The following ARHGAP15 variants were observed in gnomAD, a reference collection of about 807,000 sequenced individuals.
ARHGAP15 encodes the protein Rho GTPase activating protein 15.
A neutral mutation model predicts 63.7 loss-of-function variants in ARHGAP15; 51 were observed. The ratio of observed to expected loss-of-function variants is 0.80; its 90% CI spans 0.64 to 1.01. The LOEUF is 1.01. Ranked by LOEUF, ARHGAP15 falls within the 50% of genes least tolerant of loss-of-function variation. ARHGAP15 has a pLI of 0.00. For missense variants in ARHGAP15, 560 were observed against 564.6 expected, an observed-to-expected ratio of 0.99 and a Z score of 0.08; for synonymous variants, 191 against 193.8, an observed-to-expected ratio of 0.99 and a Z score of 0.12.
intron 11 of ARHGAP15, among the ~76,000 whole-genome samples, chr2:143,573,973 G>T (rs1349191025): frequency 6.6e-6 from 1 of 152,132 alleles, no homozygotes; most frequent in African/African-American, 2.4e-5. Context: ...ATTATTTTTA[G>T]TCTGTGACTA....
intron 13 of ARHGAP15, among the ~76,000 whole-genome samples, chr2:143,762,214 A>T (rs1452322468): frequency 6.6e-6 from 1 of 152,146 alleles, no homozygotes; most frequent in Admixed American, 6.5e-5. Context: ...ATCAAGAGGA[A>T]TTCCCAAATA....
intron 4 of ARHGAP15, among the ~76,000 whole-genome samples, chr2:143,226,571 A>G (rs888466083): frequency 6.6e-6 from 1 of 152,176 alleles, no homozygotes; most frequent in Non-Finnish European, 1.5e-5. Flanking sequence ...AGAGAAGGCT[A>G]TTGCTGCTTC....
intron 6 of ARHGAP15, among the ~76,000 whole-genome samples, chr2:143,413,966 T>TGTGTGTGTGTGTGTGCGC: frequency 5.9e-5 from 7 of 117,922 alleles, no homozygotes; most frequent in African/African-American, 2.1e-4. Context: ...TGTGTGTGTG[T>TGTGTGTGTGTGTGTGCGC]GCGCGCTCTC....
intron 13 of ARHGAP15, among the ~76,000 whole-genome samples, chr2:143,751,367 GGACTT>G (rs1442931773): frequency 6.6e-6 from 1 of 152,134 alleles, no homozygotes; most frequent in Non-Finnish European, 1.5e-5. Flanking sequence ...AGCTGCCTGC[GGACTT>G]GACACTTGGA....
At chr2:143,551,449 C>T (rs575065383) in intron 10 of ARHGAP15, among the ~76,000 whole-genome samples, 1 of 152,172 alleles carries the variant, frequency 6.6e-6, no homozygotes, top group Non-Finnish European at 1.5e-5. Context: ...GCCACTGAAC[C>T]TGGCCTAAAA....
At chr2:143,269,566 C>A (rs963240974) in intron 6 of ARHGAP15, among the ~76,000 whole-genome samples, 5 of 152,090 alleles carry the variant, frequency 3.3e-5, no homozygotes, top group Non-Finnish European at 7.4e-5. Flanking sequence ...GAGCATTTTC[C>A]ATGAAGATGA....
At chr2:143,615,781 G>T (rs563330557) in intron 11 of ARHGAP15, among the ~76,000 whole-genome samples, 2 of 152,106 alleles carry the variant, frequency 1.3e-5, no homozygotes, top group Non-Finnish European at 2.9e-5. Flanking sequence ...TGACTTTGTC[G>T]AAATTTAATC....
intron 1 of ARHGAP15, among the ~76,000 whole-genome samples, chr2:143,136,242 C>T (rs969043082): frequency 3.3e-5 from 5 of 152,134 alleles, no homozygotes; most frequent in African/African-American, 9.6e-5. Flanking sequence ...ACTTACTTTT[C>T]ATTATACTGT....
intron 6 of ARHGAP15, among the ~76,000 whole-genome samples, chr2:143,334,525 G>C (rs113711435): frequency 6.6e-6 from 1 of 151,878 alleles, no homozygotes; most frequent in Non-Finnish European, 1.5e-5. Context: ...CTGCTGCTGC[G>C]GTGTGCCAAT....
chr2:143,250,695 C>T, intron 6 of ARHGAP15, 95 bp downstream of exon 6: 1 of 949,326 alleles, frequency 1.1e-6, no homozygotes, highest in Non-Finnish European at 1.6e-6. Context: ...GTGATGTGCT[C>T]ATGTACATGA....
chr2:143,743,987 A>G (rs1020160431), intron 13 of ARHGAP15, among the ~76,000 whole-genome samples: 4 of 152,204 alleles, frequency 2.6e-5, no homozygotes, highest in Non-Finnish European at 5.9e-5. Flanking sequence ...AATTATCCAG[A>G]TCATTTCATT....
rs141777858 is a variant in ARHGAP15 at position 143,485,520 on chromosome 2, AC to A, written c.704-1851del. 7.0e-3 allele frequency among the ~76,000 whole-genome samples: 1,064 copies of A among 152,246 alleles called. 9 individuals are homozygous for A. Among genetic ancestry groups the A allele is most frequent in the Non-Finnish European group, 0.013 (888 of 68,002 alleles). The stretch of plus-strand genomic sequence containing the variant: ...TTACATTTTCTCAATGTATAGATAG[AC>A]CTTCCACCGATAAATGAGAACTTCA... On this transcript the variant is annotated intron_variant, in intron 8 of 13. Coordinates refer to ENST00000295095, the MANE Select transcript of ARHGAP15 (RefSeq NM_018460.4).
At chr2:143,213,888 T>G (rs1481020768) in intron 3 of ARHGAP15, among the ~76,000 whole-genome samples, 1 of 152,228 alleles carries the variant, frequency 6.6e-6, no homozygotes, top group South Asian at 2.1e-4. Context: ...TATTGAGTCT[T>G]AACTTGAGAA....
At chr2:143,146,624 CAT>C (rs1689602493) in intron 1 of ARHGAP15, among the ~76,000 whole-genome samples, 1 of 152,018 alleles carries the variant, frequency 6.6e-6, no homozygotes, top group African/African-American at 2.4e-5. Context: ...CACACACACA[CAT>C]ACACACAAGC....
intron 12 of ARHGAP15, among the ~76,000 whole-genome samples, chr2:143,652,060 T>A (rs946058726): frequency 6.6e-6 from 1 of 152,024 alleles, no homozygotes; most frequent in Non-Finnish European, 1.5e-5. Flanking sequence ...CCACTTTGGG[T>A]CATTGATCTA....
At chr2:143,252,635 C>T (rs1172996178) in intron 6 of ARHGAP15, among the ~76,000 whole-genome samples, 1 of 151,958 alleles carries the variant, frequency 6.6e-6, no homozygotes, top group South Asian at 2.1e-4. Flanking sequence ...TGTTCTGTTT[C>T]ATTCTTTTTG....
At chr2:143,489,508 A>G (rs1318681485) in intron 9 of ARHGAP15, among the ~76,000 whole-genome samples, 3 of 152,122 alleles carry the variant, frequency 2.0e-5, no homozygotes, top group South Asian at 2.1e-4. Context: ...AGTTTTAGCT[A>G]TGAACTTTTT....
intron 12 of ARHGAP15, among the ~76,000 whole-genome samples, chr2:143,678,656 G>A (rs1682944089): frequency 6.6e-6 from 1 of 152,078 alleles, no homozygotes; most frequent in African/African-American, 2.4e-5. Context: ...TGTTTTCCAA[G>A]GTCTACTCCA....
intron 13 of ARHGAP15, among the ~76,000 whole-genome samples, chr2:143,719,561 T>G (rs1241858925): frequency 6.6e-6 from 1 of 152,200 alleles, no homozygotes; most frequent in African/African-American, 2.4e-5. Context: ...CCACTTTTCT[T>G]TCATTTCCAA....
Sources: allele counts gnomAD v4.1 joint callset (sites outside exome capture counted in the v4.1 genomes callset), GRCh38; gene constraint gnomAD v4.1.1; transcripts MANE v1.5; gene names NCBI Gene and HGNC (gene_info 2026-07-23, HGNC 2026-07-21).